AGBL4: variants seen among roughly 807,000 people sequenced by gnomAD.
The protein encoded by AGBL4 is AGBL carboxypeptidase 4.
AGBL4 carries 58 observed loss-of-function variants against 66.4 expected under a neutral mutation model. The observed-to-expected ratio is 0.87, with a 90% confidence interval of 0.71 to 1.09. AGBL4 has a LOEUF of 1.09. AGBL4 is among the 50% of genes least tolerant of loss of function. AGBL4 has a pLI of 0.00. For missense variants in AGBL4, 579 were observed against 631.0 expected, an observed-to-expected ratio of 0.92 and a Z score of 0.88; for synonymous variants, 234 against 222.9, an observed-to-expected ratio of 1.05 and a Z score of -0.44.
intron 5 of AGBL4, among the ~76,000 whole-genome samples, chr1:48,977,431 G>A (rs150738603): frequency 0.013 from 1,921 of 152,214 alleles, 29 homozygotes; most frequent in Non-Finnish European, 0.016. Context: ...AAGAGATAAT[G>A]TATGCTTTGA....
intron 2 of AGBL4, among the ~76,000 whole-genome samples, chr1:49,724,551 T>A (rs79838165): frequency 0.081 from 12,292 of 152,116 alleles, 701 homozygotes; most frequent in African/African-American, 0.17. Flanking sequence ...GAGAACTTAA[T>A]CCGGTTTATG....
intron 6 of AGBL4, among the ~76,000 whole-genome samples, chr1:48,703,365 A>G (rs887212012): frequency 1.3e-5 from 2 of 152,220 alleles, no homozygotes; most frequent in Non-Finnish European, 2.9e-5. Context: ...AAACTGAAAC[A>G]GTGATGAGGA....
At chr1:49,751,479 T>C (rs1367618553) in intron 2 of AGBL4, among the ~76,000 whole-genome samples, 2 of 152,220 alleles carry the variant, frequency 1.3e-5, no homozygotes, top group African/African-American at 4.8e-5. Context: ...TGGATTTGGT[T>C]TGCCAGAATT....
intron 3 of AGBL4, among the ~76,000 whole-genome samples, chr1:49,467,328 G>C (rs1039366219): frequency 7.9e-5 from 12 of 151,808 alleles, no homozygotes; most frequent in African/African-American, 2.7e-4. Context: ...AAGATCAAAT[G>C]AACTATTCCA....
In AGBL4 at chr1:48,691,201, A is replaced by G. The variant is rs539332728; in HGVS notation, c.635-27960T>C. 3.8e-4 allele frequency among the ~76,000 whole-genome samples: 56 copies of G among 149,332 alleles called. 1 individual carries two copies. The East Asian group carries it at 0.011, about 29-fold the overall frequency. ...CACATATATGTGTGTATATATATAT[A>G]TTACATATATAGAAAATTTTACCAA... On this transcript the variant is annotated intron_variant, in intron 6 of 13. Transcript: ENST00000371839.
intron 9 of AGBL4, among the ~76,000 whole-genome samples, chr1:48,592,784 G>A (rs1224465335): frequency 1.3e-5 from 2 of 152,150 alleles, no homozygotes; most frequent in African/African-American, 4.8e-5. Flanking sequence ...TGGGGAGGTT[G>A]CTTGCTTAAG....
At chr1:48,539,575 G>C (rs939094474) in intron 12 of AGBL4, 67 bp downstream of exon 12, 1 of 1,268,640 alleles carries the variant, frequency 7.9e-7, no homozygotes, top group African/African-American at 1.5e-5. Context: ...AAGGCTAAGG[G>C]AAGTTGCCCC....
At chr1:48,595,196 G>A (rs1569933949) in intron 9 of AGBL4, among the ~76,000 whole-genome samples, 2 of 152,228 alleles carry the variant, frequency 1.3e-5, no homozygotes, top group South Asian at 4.2e-4. Flanking sequence ...CTCTCTCATG[G>A]CACTTACTAC....
At chr1:48,658,324 T>C (rs1212305672) in intron 7 of AGBL4, among the ~76,000 whole-genome samples, 5 of 152,236 alleles carry the variant, frequency 3.3e-5, no homozygotes, top group Non-Finnish European at 5.9e-5. Flanking sequence ...GCAAAATTTA[T>C]TGTTTCTGTT....
At chr1:49,371,740 C>T (rs1644349476) in intron 3 of AGBL4, among the ~76,000 whole-genome samples, 2 of 151,292 alleles carry the variant, frequency 1.3e-5, no homozygotes, top group Non-Finnish European at 2.9e-5. Context: ...TGCAGAACTT[C>T]GATTTCAAAG....
At chr1:49,898,472 C>T (rs1018869477) in intron 1 of AGBL4, among the ~76,000 whole-genome samples, 9 of 151,872 alleles carry the variant, frequency 5.9e-5, no homozygotes, top group South Asian at 4.2e-4. Context: ...TAACAAACAC[C>T]GGCGAGGATG....
At chr1:49,892,533 T>G (rs2148170143) in intron 1 of AGBL4, among the ~76,000 whole-genome samples, 1 of 152,296 alleles carries the variant, frequency 6.6e-6, no homozygotes, top group Middle Eastern at 3.4e-3. Flanking sequence ...ACCTGTTCCC[T>G]TCTATAATAC....
chr1:49,512,030 T>G (rs1369723243), intron 3 of AGBL4, among the ~76,000 whole-genome samples: 1 of 152,024 alleles, frequency 6.6e-6, no homozygotes, highest in Admixed American at 6.6e-5. Context: ...ATATCTTGGT[T>G]TGCAGGGTGC....
rs144263587 is a variant in AGBL4 at position 48,742,561 on chromosome 1, C to T, written c.635-79320G>A. 817 of 1,388,902 alleles carry T rather than the reference C, an allele frequency of 5.9e-4. 1 individual carries two copies. The African/African-American group carries it at 0.011, about 18-fold the overall frequency. 86.0% of individuals were successfully genotyped at this position (1,388,902 alleles called of 1,614,324 possible). ...CGATTTGGAAAGCTCCCACCATACT[C>T]TCCACCTTTACTCTGACTAACAAAC... On this transcript the variant is annotated intron_variant, in intron 6 of 13. Transcript: ENST00000371839.
At chr1:49,683,171 G>A (rs1349176547) in intron 3 of AGBL4, among the ~76,000 whole-genome samples, 1 of 152,066 alleles carries the variant, frequency 6.6e-6, no homozygotes, top group African/African-American at 2.4e-5. Context: ...TCTTGGTTCA[G>A]GTACAAATTC....
At chr1:49,584,537 A>G (rs1201082728) in intron 3 of AGBL4, among the ~76,000 whole-genome samples, 1 of 152,152 alleles carries the variant, frequency 6.6e-6, no homozygotes, top group Non-Finnish European at 1.5e-5. Context: ...GACAATGACC[A>G]TAATTTTTCT....
chr1:49,915,048 G>T (rs1651256405), intron 1 of AGBL4, among the ~76,000 whole-genome samples: 1 of 152,042 alleles, frequency 6.6e-6, no homozygotes, highest in Non-Finnish European at 1.5e-5. Context: ...CCATAACACT[G>T]AATAAAGATA....
intron 5 of AGBL4, among the ~76,000 whole-genome samples, chr1:48,917,009 G>T (rs1475161120): frequency 6.6e-6 from 1 of 152,058 alleles, no homozygotes; most frequent in Non-Finnish European, 1.5e-5. Context: ...ATTACATTAA[G>T]AATTCAGCAG....
intron 1 of AGBL4, among the ~76,000 whole-genome samples, chr1:49,913,811 C>T (rs1651107350): frequency 6.6e-6 from 1 of 152,166 alleles, no homozygotes; most frequent in Admixed American, 6.5e-5. Flanking sequence ...TGTATTGAGC[C>T]ACACCTGTGC....
Sources: gnomAD v4.1 joint callset for allele counts (sites outside exome capture counted in the v4.1 genomes callset) on GRCh38, gnomAD v4.1.1 for gene constraint, MANE v1.5 for transcripts, NCBI Gene and HGNC (gene_info 2026-07-23, HGNC 2026-07-21) for gene names.